The following NR1D1 variants were observed in gnomAD, a reference collection of about 807,000 sequenced individuals.
NR1D1 encodes the protein Rev-ErbAalpha.
In NR1D1, 17 loss-of-function variants were observed where a neutral mutation model predicts 51.1. That is an observed-to-expected ratio of 0.33 (90% CI 0.23 to 0.50). The LOEUF (loss-of-function observed/expected upper bound fraction) is 0.50, where lower values mean the gene tolerates loss of function less well. Ranked by LOEUF, NR1D1 falls within the 20% of genes least tolerant of loss-of-function variation. The pLI is 0.98. For synonymous variants in NR1D1, 341 were observed against 333.4 expected (o/e 1.02, Z -0.25); for missense variants, 647 against 830.4 (o/e 0.78, Z 2.71).
chr17:40,100,190 G>T lies in NR1D1; in HGVS notation c.-96C>A. ...TGCCCCCTGGGCACTGGCTAAGGGC[G>T]GGGAGTGGACCCCGCGACTCACGAT... On this transcript the variant is annotated 5_prime_UTR_variant, in exon 1 of 8. Coordinates refer to ENST00000246672, the MANE Select transcript of NR1D1 (RefSeq NM_021724.5). 1.0e-6 allele frequency: 1 copy of T among 966,904 alleles called. No homozygotes were observed. Among genetic ancestry groups the T allele is most frequent in the Non-Finnish European group, 1.7e-6 (1 of 595,002 alleles). 59.9% of individuals were successfully genotyped at this position (966,904 alleles called of 1,614,324 possible). A position where few individuals can be genotyped will look rare whatever the true frequency, so the allele number is the denominator to read the frequency against.
At chr17:40,096,879 A>C (rs1043970765) in intron 2 of NR1D1, 100 bp from the exon 3 acceptor site, 80 of 1,328,356 alleles carry the variant, frequency 6.0e-5, no homozygotes, top group Non-Finnish European at 4.4e-5. Flanking sequence ...GGAAAAGCTA[A>C]GGAGGAACTC....
intron 5 of NR1D1, 32 bp from the exon 6 acceptor site, chr17:40,095,152 G>A (rs1456442543): frequency 1.9e-6 from 3 of 1,596,130 alleles, no homozygotes; most frequent in East Asian, 2.2e-5. Flanking sequence ...GGAGGGGAGT[G>A]TCAGCCAGGC....
chr17:40,095,270 G>C, intron 5 of NR1D1, 150 bp from the exon 6 acceptor site: 1 of 1,141,894 alleles, frequency 8.8e-7, no homozygotes, highest in Non-Finnish European at 1.2e-6. Flanking sequence ...TTAGGTGCCA[G>C]GTGGAGATTA....
chr17:40,095,903 C>T lies in NR1D1; in HGVS notation c.789G>A (p.Leu263=), dbSNP rs1234891695. ...GTTGTGGAAACTGGGAGAAGCCCAC[C>T]AGGGGTGAGGGGACCGGAGCAGGGG... ...SPPPAPVPSP[L]VGFSQFPQQL... The change falls in exon 5 of 8, where the codon CTG becomes CTA. Residue 263 remains leucine, a synonymous_variant. Transcript: ENST00000246672. 6.2e-7 allele frequency: 1 copy of T among 1,612,030 alleles called. No individual in the cohort carries two copies. Among genetic ancestry groups the T allele is most frequent in the Middle Eastern group, 1.7e-4 (1 of 6,046 alleles).
At chr17:40,096,152 TTCC>T (rs1987758655) in intron 4 of NR1D1, 65 bp from the exon 5 acceptor site, 3 of 1,566,652 alleles carry the variant, frequency 1.9e-6, no homozygotes, top group African/African-American at 2.7e-5. Context: ...TCTTCCTTCC[TTCC>T]TCCTGAAAGG....
intron 4 of NR1D1, among the ~76,000 whole-genome samples, 175 bp downstream of exon 4, chr17:40,096,268 C>T (rs941254717): frequency 1.3e-5 from 2 of 152,140 alleles, no homozygotes; most frequent in Admixed American, 6.5e-5. Context: ...GGAGGTGACC[C>T]GAGGGACCAA....
rs950395350 is a variant in NR1D1, at chr17:40,095,060, C to T, written c.1309G>A (p.Glu437Lys). ...RSGRTVQEIW[E>K]DFSMSFTPAV... ...GGCGTGAAGCTCATGGAGAAATCCTCCCAGATCTCCTGCACCGTTCGCCCA... is the reference window on the plus strand; with the variant it reads ...GGCGTGAAGCTCATGGAGAAATCCTTCCAGATCTCCTGCACCGTTCGCCCA... The change falls in exon 6 of 8, where the codon GAG becomes AAG. Residue 437 changes from glutamate to lysine, a missense_variant. Coordinates refer to ENST00000246672, the MANE Select transcript of NR1D1 (RefSeq NM_021724.5). 6.2e-7 allele frequency: 1 copy of T among 1,614,110 alleles called. No homozygotes were observed. The highest frequency in any genetic ancestry group is 8.5e-7 in the Non-Finnish European group (1 of 1,180,036).
At position 40,095,490 on chromosome 17, in the gene NR1D1, G is replaced by A. The variant is rs554671432; in HGVS notation, c.1202C>T (p.Ala401Val). 2.5e-5 allele frequency: 39 copies of A among 1,552,824 alleles called. 1 individual carries two copies. The Admixed American group carries it at 4.3e-4, about 17-fold the overall frequency. ...GCCCTGCCGGGGACTGTTGGCAGGT[G>A]CCTTGCCTTCTGGGGCTGCATACAC... is the stretch of plus-strand genomic sequence containing the variant. ...THVYAAPEGK[A>V]PANSPRQGNS... The change falls in exon 5 of 8, where the codon GCA (alanine) becomes GTA (valine). Residue 401 changes from alanine to valine, a missense_variant. Physicochemically the swap from Ala to Val is moderately conservative, Grantham distance 64. Around this residue, in one of 7 missense-constraint regions of NR1D1, gnomAD observed 185 missense variants for 176.3 expected, o/e 1.05. Coordinates refer to ENST00000246672, the MANE Select transcript of NR1D1 (RefSeq NM_021724.5).
At position 40,100,167 on chromosome 17, in the gene NR1D1, C is replaced by T; in HGVS notation, c.-73G>A. The T allele has an allele frequency of 8.2e-7, 1 of 1,217,936 alleles. No homozygotes were observed. Among genetic ancestry groups the T allele is most frequent in the Non-Finnish European group, 1.2e-6 (1 of 820,618 alleles). 75.4% of individuals were successfully genotyped at this position (1,217,936 alleles called of 1,614,324 possible). Reference sequence around the variant, plus strand: ...CTAGAGGTTGCGATCGCCGCTGTTGCCCCCTGGGCACTGGCTAAGGGCGGG... The same window carrying T: ...CTAGAGGTTGCGATCGCCGCTGTTGTCCCCTGGGCACTGGCTAAGGGCGGG... On this transcript the variant is annotated 5_prime_UTR_variant, in exon 1 of 8. Coordinates refer to ENST00000246672, the MANE Select transcript of NR1D1 (RefSeq NM_021724.5).
Position 40,095,002 on chromosome 17 carries a change from T to C in NR1D1, c.1367A>G (p.His456Arg), listed in dbSNP as rs778300490. The C allele has an allele frequency of 1.2e-6, 2 of 1,614,172 alleles. No homozygotes were observed. The highest frequency in any genetic ancestry group is 1.7e-6 in the Non-Finnish European group (2 of 1,180,044). ...AGAAAGGTCACGGAAGCCCGGGATGTGTTTGGCAAACTCTACCACCTCCCG... is the reference window on the plus strand; with the variant it reads ...AGAAAGGTCACGGAAGCCCGGGATGCGTTTGGCAAACTCTACCACCTCCCG... ...AVREVVEFAK[H>R]IPGFRDLSQH... Residue 456 changes from histidine (H) to arginine (R), a missense_variant, in exon 6 of 8, where the codon CAC becomes CGC. This residue lies in a region of NR1D1 where 155 missense variants were observed against 236.8 expected (regional missense o/e 0.65). Transcript: ENST00000246672.
In NR1D1 at chr17:40,093,457, G is replaced by A; in HGVS notation, c.1646-175C>T. The A allele has an allele frequency of 3.3e-6, 5 of 1,507,858 alleles. No homozygotes were observed. The South Asian group carries it at 6.5e-5, about 20-fold the overall frequency. 93.4% of individuals were successfully genotyped at this position (1,507,858 alleles called of 1,614,324 possible). On this transcript the variant is annotated intron_variant, in intron 7 of 7. Coordinates refer to ENST00000246672, the MANE Select transcript of NR1D1 (RefSeq NM_021724.5). This position sits in a 1 kb window ranked among gnomAD's most constrained non-coding sequence, Gnocchi z 5.9. ...CCAGGCCTCTGCCCCAAGAGCAGGA[G>A]GTGCCTGAAAGCTGGGAGCGTGGGC...
chr17:40,093,644 C>T lies in NR1D1; in HGVS notation c.1645+268G>A, dbSNP rs1987676100. The T allele has an allele frequency of 3.0e-6, 2 of 661,610 alleles. No homozygotes were observed. The highest frequency in any genetic ancestry group is 1.8e-5 in the African/African-American group (1 of 55,030). The allele number at this position is 661,610 out of a possible 1,614,324, so 41.0% of individuals were successfully genotyped here. A position where few individuals can be genotyped will look rare whatever the true frequency, so the allele number is the denominator to read the frequency against. On this transcript the variant is annotated intron_variant, in intron 7 of 7. Transcript: ENST00000246672. This position sits in a 1 kb window ranked among gnomAD's most constrained non-coding sequence, Gnocchi z 5.9. ...ACATCTTACTTGTCCTTTGAGGCCC[C>T]AACTCAAGTGTCACCTCCTTCCCCA...
In NR1D1 at chr17:40,094,901, A is replaced by G. The variant is rs1567659495; in HGVS notation, c.1434+34T>C. On this transcript the variant is annotated intron_variant, in intron 6 of 7. Transcript: ENST00000246672. ...CGACAAGCGAAACTCTGTCTCAAAA[A>G]AAACAAAAACCAGAAGCATAAACGG... 5.6e-6 allele frequency: 9 copies of G among 1,606,198 alleles called. No homozygotes were observed. In the East Asian group the frequency reaches 1.3e-4, roughly 24 times the overall value.
chr17:40,097,444 G>A (rs187971376), intron 1 of NR1D1, 41 bp from the exon 2 acceptor site: 2 of 1,517,360 alleles, frequency 1.3e-6, no homozygotes, highest in African/African-American at 2.8e-5. Context: ...CAGCCGCCAT[G>A]TCTCCGGACC....
At position 40,095,711 on chromosome 17, in the gene NR1D1, G is replaced by C. The variant is rs1987744905; in HGVS notation, c.981C>G (p.Thr327=). The change falls in exon 5 of 8, where the codon ACC becomes ACG. Residue 327 remains threonine (T), a synonymous_variant. Coordinates refer to ENST00000246672, the MANE Select transcript of NR1D1 (RefSeq NM_021724.5). ...NHASGSPPAT[T]PHRWENQGCP... is the part of the protein sequence containing the mutation. ...AGCCCTGATTTTCCCAGCGATGTGG[G>C]GTGGTGGCTGGAGGGCTACCTGATG... 6.2e-7 allele frequency: 1 copy of C among 1,613,560 alleles called. No homozygotes were observed. The highest frequency in any genetic ancestry group is 1.3e-5 in the African/African-American group (1 of 74,932).
At chr17:40,096,813 A>G (rs1244035665) in intron 2 of NR1D1, 34 bp from the exon 3 acceptor site, 3 of 1,606,316 alleles carry the variant, frequency 1.9e-6, no homozygotes, top group South Asian at 1.1e-5. Flanking sequence ...TGAGCAGGAG[A>G]GGCCAGGCTG....
chr17:40,096,905 C>T, intron 2 of NR1D1, 126 bp from the exon 3 acceptor site: 1 of 1,191,142 alleles, frequency 8.4e-7, no homozygotes, highest in Non-Finnish European at 1.2e-6. Flanking sequence ...TTGAGGGGCA[C>T]TGGAGTGACA....
rs201521348 is a variant in NR1D1 at position 40,095,811 on chromosome 17, C to T, written c.881G>A (p.Arg294Gln). 9.9e-6 allele frequency: 16 copies of T among 1,613,572 alleles called. No individual in the cohort carries two copies. The highest frequency in any genetic ancestry group is 1.3e-5 in the African/African-American group (1 of 74,722). Residue 294 changes from arginine to glutamine, a missense_variant, in exon 5 of 8, where the codon CGG becomes CAG. Transcript: ENST00000246672. ...GTAGGTGAAGATCTCTCGATGGGCC[C>T]GGGCCACCTGGGATATCACATCCTC... Reference protein sequence around the residue: ...TVEDVISQVARAHREIFTYAH... With the variant: ...TVEDVISQVAQAHREIFTYAH...
chr17:40,097,432 G>A, intron 1 of NR1D1, 29 bp from the exon 2 acceptor site: 3 of 1,552,610 alleles, frequency 1.9e-6, no homozygotes, highest in East Asian at 2.4e-5. Flanking sequence ...GAAAGGGGGT[G>A]TCAGCCGCCA....
Sources: allele counts gnomAD v4.1 joint callset (sites outside exome capture counted in the v4.1 genomes callset), GRCh38; gene constraint gnomAD v4.1.1; regional missense constraint gnomAD v4.1.1; non-coding constraint Gnocchi (gnomAD v3.1); transcripts MANE v1.5; gene names NCBI Gene and HGNC (gene_info 2026-07-23, HGNC 2026-07-21).